The following ZNF140 variants were observed in gnomAD, a reference collection of about 807,000 sequenced individuals.
The protein encoded by ZNF140 is zinc finger protein 140, also known as zinc finger protein 140 (clone pHZ-39).
Under a neutral mutation model 12.9 loss-of-function variants are expected in ZNF140, and 13 were observed. That is an observed-to-expected ratio of 1.01 (90% CI 0.66 to 1.60). ZNF140 has a LOEUF of 1.60. ZNF140 is among the 40% of genes most tolerant of loss of function. ZNF140 has a pLI of 0.00. For synonymous variants in ZNF140, 214 were observed against 186.7 expected, an observed-to-expected ratio of 1.15 and a Z score of -1.19; for missense variants, 531 against 548.8, an observed-to-expected ratio of 0.97 and a Z score of 0.32.
intron 4 of ZNF140, among the ~76,000 whole-genome samples, chr12:133,100,087 A>G (rs1955281942): frequency 6.8e-6 from 1 of 146,314 alleles, no homozygotes; most frequent in African/African-American, 2.5e-5. Context: ...TGCAGATAGT[A>G]TTGAACCTCA....
chr12:133,096,028 A>T (rs1444122126), intron 4 of ZNF140, among the ~76,000 whole-genome samples: 27 of 150,652 alleles, frequency 1.8e-4, no homozygotes, highest in South Asian at 6.3e-4. Flanking sequence ...TTACCAATCC[A>T]CCTCAGCACA....
intron 4 of ZNF140, among the ~76,000 whole-genome samples, chr12:133,095,394 C>G (rs989124368): frequency 6.6e-6 from 1 of 150,858 alleles, no homozygotes; most frequent in Non-Finnish European, 1.5e-5. Context: ...ACTTGGGAAT[C>G]TCTCGTCGGC....
At chr12:133,085,198 T>A (rs1473577632) in intron 4 of ZNF140, among the ~76,000 whole-genome samples, 1 of 152,178 alleles carries the variant, frequency 6.6e-6, no homozygotes, top group African/African-American at 2.4e-5. Context: ...CTAAGTTTTG[T>A]ATTTTTAGTA....
intron 4 of ZNF140, among the ~76,000 whole-genome samples, chr12:133,089,361 G>A (rs1186095912): frequency 3.3e-5 from 5 of 151,828 alleles, no homozygotes; most frequent in East Asian, 1.9e-4. Context: ...CTACAGGTGC[G>A]CTCCACCATG....
chr12:133,086,790 C>G (rs1411968213), intron 4 of ZNF140, among the ~76,000 whole-genome samples: 2 of 152,116 alleles, frequency 1.3e-5, no homozygotes, highest in East Asian at 3.8e-4. Flanking sequence ...ATTCACATTT[C>G]GATCCATCGT....
Position 133,082,984 on chromosome 12 carries a change from T to G in ZNF140, c.10-119T>G, listed in dbSNP as rs1431169551. The G allele has an allele frequency of 1.2e-5, 17 of 1,466,374 alleles. No homozygotes were observed. In the African/African-American group the frequency reaches 2.2e-4, roughly 19 times the overall value. 90.8% of individuals were successfully genotyped at this position (1,466,374 alleles called of 1,614,324 possible). ...TATAATTACTCAGAATTCTGAAAAC[T>G]CTCACTGTTACTACTTAGACACATT... On this transcript the variant is annotated intron_variant, in intron 2 of 4. Coordinates refer to ENST00000355557, the MANE Select transcript of ZNF140 (RefSeq NM_003440.4).
chr12:133,086,047 A>G (rs1387241139), intron 4 of ZNF140, among the ~76,000 whole-genome samples: 5 of 152,194 alleles, frequency 3.3e-5, no homozygotes, highest in Non-Finnish European at 5.9e-5. Context: ...TTTTAACGTA[A>G]TTGCTCTAAT....
chr12:133,091,025 AG>A (rs1381456633), intron 4 of ZNF140, among the ~76,000 whole-genome samples: 695 of 148,176 alleles, frequency 4.7e-3, no homozygotes, highest in Non-Finnish European at 6.7e-3. Context: ...TTCAGTTCCC[AG>A]GGGCAGACAG....
chr12:133,085,321 C>G (rs1440840143), intron 4 of ZNF140, among the ~76,000 whole-genome samples: 3 of 152,154 alleles, frequency 2.0e-5, no homozygotes, highest in Admixed American at 6.5e-5. Context: ...CTGTGCCTGG[C>G]CTAATTCTAC....
intron 4 of ZNF140, among the ~76,000 whole-genome samples, chr12:133,097,400 A>G (rs1955166945): frequency 6.6e-6 from 1 of 151,918 alleles, no homozygotes; most frequent in East Asian, 1.9e-4. Context: ...TCCTGGCACT[A>G]TGGGAGGCCA....
At chr12:133,089,653 T>G (rs1275001980) in intron 4 of ZNF140, among the ~76,000 whole-genome samples, 1 of 152,224 alleles carries the variant, frequency 6.6e-6, no homozygotes, top group African/African-American at 2.4e-5. Flanking sequence ...ATTCATGGTA[T>G]TCCTTTATTA....
chr12:133,081,208 A>T, intron 1 of ZNF140, 65 bp from the exon 2 acceptor site: 3 of 760,620 alleles, frequency 3.9e-6, no homozygotes, highest in South Asian at 1.5e-5. Context: ...CCAGTGCGGG[A>T]ATCTAGTGAC....
chr12:133,106,777 A>C lies in ZNF140; in HGVS notation c.*126A>C. ...TGATGACTGTGAAGTAATATGGCCCACACTTTATTCACCACCCTGGAGAAA... is the reference window on the plus strand; with the variant it reads ...TGATGACTGTGAAGTAATATGGCCCCCACTTTATTCACCACCCTGGAGAAA... On this transcript the variant is annotated 3_prime_UTR_variant, in exon 5 of 5. Coordinates refer to ENST00000355557, the MANE Select transcript of ZNF140 (RefSeq NM_003440.4). 1 of 841,408 alleles carries C rather than the reference A, an allele frequency of 1.2e-6. No homozygotes were observed. Among genetic ancestry groups the C allele is most frequent in the Admixed American group, 3.4e-5 (1 of 29,088 alleles). 52.1% of individuals were successfully genotyped at this position (841,408 alleles called of 1,614,324 possible).
chr12:133,100,460 G>A (rs11147231), intron 4 of ZNF140, among the ~76,000 whole-genome samples: 1 of 152,042 alleles, frequency 6.6e-6, no homozygotes, highest in African/African-American at 2.4e-5. Context: ...ACAGGCATGA[G>A]CCACCTTGCC....
rs1321503492 is a variant in ZNF140 at position 133,097,818 on chromosome 12, CATGTGTGTGTGT to C, written c.233-7691_233-7680del. 8.5e-3 allele frequency among the ~76,000 whole-genome samples: 907 copies of C among 106,580 alleles called. 8 individuals are homozygous for C. The highest frequency in any genetic ancestry group is 0.033 in the African/African-American group (850 of 26,122). The allele number at this position is 106,580 out of a possible 152,430, so 69.9% of individuals were successfully genotyped here. On this transcript the variant is annotated intron_variant, in intron 4 of 4. Transcript: ENST00000355557. ...ATATGCATGAGGCACCACATCTAAC[CATGTGTGTGTGT>C]GTGTGTGTGTGTGTGTGTGTTTTTG... is the stretch of plus-strand genomic sequence containing the variant.
intron 2 of ZNF140, 38 bp from the exon 3 acceptor site, chr12:133,083,065 T>G: frequency 6.2e-7 from 1 of 1,613,928 alleles, no homozygotes; most frequent in East Asian, 2.2e-5. Context: ...TTTGGGGGCA[T>G]GCGTGCTGGT....
chr12:133,094,620 C>T (rs1955001910), intron 4 of ZNF140, among the ~76,000 whole-genome samples: 1 of 151,024 alleles, frequency 6.6e-6, no homozygotes, highest in African/African-American at 2.5e-5. Flanking sequence ...ATGTAACACC[C>T]CCAACTTTTC....
chr12:133,102,895 G>T (rs1955404715), intron 4 of ZNF140, among the ~76,000 whole-genome samples: 1 of 152,222 alleles, frequency 6.6e-6, no homozygotes, highest in Non-Finnish European at 1.5e-5. Context: ...AGGAAGGGAA[G>T]TGTGTGAAGG....
chr12:133,091,431 A>G (rs1180441023), intron 4 of ZNF140, among the ~76,000 whole-genome samples: 1 of 151,288 alleles, frequency 6.6e-6, no homozygotes, highest in East Asian at 1.9e-4. Flanking sequence ...CAAATTAACA[A>G]CATCTCAGCA....
Sources: gnomAD v4.1 joint callset for allele counts (sites outside exome capture counted in the v4.1 genomes callset) on GRCh38, gnomAD v4.1.1 for gene constraint, MANE v1.5 for transcripts, NCBI Gene and HGNC (gene_info 2026-07-23, HGNC 2026-07-21) for gene names.